The following POLD1 variants were observed in gnomAD, a reference collection of about 807,000 sequenced individuals.
POLD1 encodes the protein DNA polymerase delta 1, catalytic subunit, also known as DNA polymerase delta catalytic subunit.
POLD1 carries 79 observed loss-of-function variants against 129.7 expected under a neutral mutation model. That is an observed-to-expected ratio of 0.61 (90% CI 0.51 to 0.73). POLD1 has a LOEUF of 0.73. Among genes scored for constraint, POLD1 ranks in the 30% least tolerant of loss-of-function variants. The probability of loss-of-function intolerance (pLI) is 0.00; values close to 1 mark genes in which losing one functional copy is unlikely to be tolerated. For synonymous variants in POLD1, 714 were observed against 683.3 expected (o/e 1.04, Z -0.70); for missense variants, 1,338 against 1,595.8 (o/e 0.84, Z 2.75).
rs1232400236 is a variant in POLD1 at position 50,393,043 on chromosome 19, CG to C, written c.-1-5807del. Among the ~76,000 whole-genome samples the C allele has an allele frequency of 3.9e-5, 6 of 152,316 alleles. No individual in the cohort carries two copies. The East Asian group carries it at 1.2e-3, about 29-fold the overall frequency. On this transcript the variant is annotated intron_variant, in intron 1 of 26. Coordinates refer to ENST00000440232, the MANE Select transcript of POLD1 (RefSeq NM_002691.4). ...GTTTCCAGTCCTTGGGGATTTCAAACGATGCTTCCGGAAATAACCTTATAAA... is the reference window on the plus strand; with the variant it reads ...GTTTCCAGTCCTTGGGGATTTCAAACATGCTTCCGGAAATAACCTTATAAA...
intron 3 of POLD1, among the ~76,000 whole-genome samples, chr19:50,401,242 T>G (rs1455336304): frequency 6.8e-6 from 1 of 147,410 alleles, no homozygotes; most frequent in Non-Finnish European, 1.5e-5. Flanking sequence ...AAATATAAGA[T>G]ATATATATAT....
At chr19:50,404,665 A>G (rs10406370) in intron 10 of POLD1, among the ~76,000 whole-genome samples, 11,403 of 85,010 alleles carry the variant, frequency 0.13, 1,446 homozygotes, top group African/African-American at 0.35. Context: ...TGCAACCTCC[A>G]CCTCCCAGGT....
rs764832779 is a variant in POLD1, at chr19:50,402,733, G to T, written c.962G>T (p.Gly321Val). The change falls in exon 8 of 27, where the codon GGC becomes GTC. Residue 321 changes from glycine to valine, a missense_variant. Gly to Val is a moderately radical substitution (Grantham distance 109, BLOSUM62 -3). This residue lies in a region of POLD1 where 720 missense variants were observed against 1,002.6 expected (regional missense o/e 0.72). Coordinates refer to ENST00000440232, the MANE Select transcript of POLD1 (RefSeq NM_002691.4). ...CTCAGCTTCGATATCGAGTGCGCCG[G>T]CCGCAAAGGTCTGTCCCCGGGCCCG... ...RVLSFDIECA[G>V]RKGIFPEPER... 1 of 1,591,808 alleles carries T rather than the reference G, an allele frequency of 6.3e-7. No individual in the cohort carries two copies. Among genetic ancestry groups the T allele is most frequent in the East Asian group, 2.3e-5 (1 of 44,326 alleles).
intron 2 of POLD1, 91 bp from the exon 3 acceptor site, chr19:50,399,280 C>T (rs1207491727): frequency 3.3e-6 from 4 of 1,207,424 alleles, no homozygotes; most frequent in African/African-American, 1.5e-5. Flanking sequence ...CAGACCACCA[C>T]CTCTGCCTGG....
At chr19:50,415,624 A>G (rs1240093453) in intron 21 of POLD1, 34 bp downstream of exon 21, 1 of 1,601,698 alleles carries the variant, frequency 6.2e-7, no homozygotes, top group African/African-American at 1.3e-5. Flanking sequence ...GGCCAGAAAT[A>G]ACCCCCTCCT....
intron 1 of POLD1, among the ~76,000 whole-genome samples, chr19:50,397,984 G>A (rs527743364): frequency 1.3e-5 from 2 of 152,162 alleles, no homozygotes; most frequent in Non-Finnish European, 2.9e-5. Context: ...ATGTGGAGGG[G>A]TATGGGATCT....
rs1601238976 is a variant in POLD1 at position 50,413,838 on chromosome 19, T to A, written c.2347T>A (p.Ser783Thr). 1.2e-6 allele frequency: 2 copies of A among 1,611,366 alleles called. No homozygotes were observed. Among genetic ancestry groups the A allele is most frequent in the South Asian group, 2.2e-5 (2 of 90,880 alleles). ...GGGGCGGGAGGCCGCGGACTGGGTGTCAGGTCACTTCCCGTCGCCCATCCG... is the reference window on the plus strand; with the variant it reads ...GGGGCGGGAGGCCGCGGACTGGGTGACAGGTCACTTCCCGTCGCCCATCCG... The part of the protein sequence containing the change: ...ALGREAADWV[S>T]GHFPSPIRLE... Residue 783 changes from serine (S) to threonine (T), a missense_variant, in exon 19 of 27, where the codon TCA becomes ACA. Around this residue, in one of 3 missense-constraint regions of POLD1, gnomAD observed 720 missense variants for 1,002.6 expected, o/e 0.72. Transcript: ENST00000440232.
chr19:50,408,291 C>T (rs776126645), intron 14 of POLD1, among the ~76,000 whole-genome samples: 3 of 151,998 alleles, frequency 2.0e-5, no homozygotes, highest in Non-Finnish European at 4.4e-5. Flanking sequence ...GCTGAGATTG[C>T]GCCACTGCAC....
At chr19:50,410,714 G>A (rs1023763148) in intron 17 of POLD1, among the ~76,000 whole-genome samples, 1 of 152,078 alleles carries the variant, frequency 6.6e-6, no homozygotes, top group Non-Finnish European at 1.5e-5. Flanking sequence ...TTTGATGCGT[G>A]CCTGCACACA....
At chr19:50,392,143 T>TCA (rs1420372965) in intron 1 of POLD1, among the ~76,000 whole-genome samples, 2 of 152,212 alleles carry the variant, frequency 1.3e-5, no homozygotes, top group African/African-American at 4.8e-5. Flanking sequence ...CAGTCATGGC[T>TCA]CACTGCAGCC....
chr19:50,390,013 A>G (rs1007182604), intron 1 of POLD1, among the ~76,000 whole-genome samples: 5 of 151,010 alleles, frequency 3.3e-5, no homozygotes, highest in East Asian at 1.9e-4. Flanking sequence ...GGTTCAATCA[A>G]TTCTCCTGCC....
At position 50,414,853 on chromosome 19, in the gene POLD1, C is replaced by A. The variant is rs775317882; in HGVS notation, c.2427C>A (p.Tyr809Ter). The change falls in exon 20 of 27, where the codon TAC (tyrosine) becomes TAA (stop). Residue 809 changes from tyrosine to a stop codon, truncating the protein, a stop_gained. Transcript: ENST00000440232. LOFTEE classifies it high-confidence loss of function. Reference sequence around the variant, plus strand: ...ACCTGCTTATCAGCAAGAAGCGCTACGCGGGCCTGCTCTTCTCCTCCCGGC... The same window carrying A: ...ACCTGCTTATCAGCAAGAAGCGCTAAGCGGGCCTGCTCTTCTCCTCCCGGC... Reference protein sequence around the residue: ...FPYLLISKKRYAGLLFSSRPD... With the variant: ...FPYLLISKKR 6.3e-7 allele frequency: 1 copy of A among 1,598,628 alleles called. No homozygotes were observed. The highest frequency in any genetic ancestry group is 8.5e-7 in the Non-Finnish European group (1 of 1,170,268).
rs772840420 is a variant in POLD1, at chr19:50,406,204, G to C, written c.1265G>C (p.Gly422Ala). The C allele has an allele frequency of 6.2e-7, 1 of 1,613,824 alleles. No homozygotes were observed. Among genetic ancestry groups the C allele is most frequent in the Non-Finnish European group, 8.5e-7 (1 of 1,179,870 alleles). The part of the protein sequence containing the change: ...TLKVQTFPFL[G>A]RVAGLCSNIR... ...CAGGTACAAACATTCCCTTTCCTGG[G>C]CCGTGTGGCCGGCCTTTGCTCCAAC... Residue 422 changes from glycine (G) to alanine (A), a missense_variant, in exon 11 of 27, where the codon GGC (glycine) becomes GCC (alanine). Physicochemically the swap from Gly to Ala is moderately conservative, Grantham distance 60. Around this residue, in one of 3 missense-constraint regions of POLD1, gnomAD observed 720 missense variants for 1,002.6 expected, o/e 0.72. Coordinates refer to ENST00000440232, the MANE Select transcript of POLD1 (RefSeq NM_002691.4). This position sits in a 1 kb window ranked among gnomAD's most constrained non-coding sequence, Gnocchi z 5.5.
chr19:50,396,227 C>G (rs772756772), intron 1 of POLD1, among the ~76,000 whole-genome samples: 41 of 151,230 alleles, frequency 2.7e-4, no homozygotes, highest in Non-Finnish European at 4.1e-4. Context: ...GCCATAATTA[C>G]AGGTGTGTAC....
Position 50,416,685 on chromosome 19 carries a change from A to G in POLD1, c.3029A>G (p.Asn1010Ser), listed in dbSNP as rs2039309429. 6.4e-7 allele frequency: 1 copy of G among 1,551,476 alleles called. No homozygotes were observed. Among genetic ancestry groups the G allele is most frequent in the Non-Finnish European group, 8.7e-7 (1 of 1,153,098 alleles). The change falls in exon 24 of 27, where the codon AAC (asparagine) becomes AGC (serine). Residue 1010 changes from asparagine (N) to serine (S), a missense_variant. Around this residue, in one of 3 missense-constraint regions of POLD1, gnomAD observed 286 missense variants for 277.5 expected, o/e 1.03. Coordinates refer to ENST00000440232, the MANE Select transcript of POLD1 (RefSeq NM_002691.4). ...CTCCTGGCCTTCGCCAAACGCCGCA[A>G]CTGCTGCATTGGCTGCCGCACAGTG... ...GGLLAFAKRR[N>S]CCIGCRTVLS...
chr19:50,396,185 C>G (rs2038360684), intron 1 of POLD1, among the ~76,000 whole-genome samples: 1 of 150,416 alleles, frequency 6.6e-6, no homozygotes, highest in African/African-American at 2.4e-5. Flanking sequence ...CTCTCGGGTT[C>G]AAGTGATTCT....
Position 50,406,927 on chromosome 19 carries a change from G to T in POLD1, c.1495-56G>T. ...ACCCTGACCCCCACTTCCTTCTCCTGCTCCACCTCCCACCCCCAACCCCTG... is the reference window on the plus strand; with the variant it reads ...ACCCTGACCCCCACTTCCTTCTCCTTCTCCACCTCCCACCCCCAACCCCTG... On this transcript the variant is annotated intron_variant, in intron 12 of 26. Coordinates refer to ENST00000440232, the MANE Select transcript of POLD1 (RefSeq NM_002691.4). This position sits in a 1 kb window ranked among gnomAD's most constrained non-coding sequence, Gnocchi z 5.5. 2.2e-6 allele frequency: 3 copies of T among 1,363,804 alleles called. No individual in the cohort carries two copies. Among genetic ancestry groups the T allele is most frequent in the South Asian group, 1.3e-5 (1 of 74,122 alleles). The allele number at this position is 1,363,804 out of a possible 1,614,324, so 84.5% of individuals were successfully genotyped here.
chr19:50,401,254 A>G (rs1366628481), intron 3 of POLD1, among the ~76,000 whole-genome samples: 2 of 146,926 alleles, frequency 1.4e-5, no homozygotes, highest in African/African-American at 5.0e-5. Flanking sequence ...TATATATATG[A>G]TATATTCTTT....
chr19:50,416,861 AC>A lies in POLD1; in HGVS notation c.3067+144del, dbSNP rs537071312. 53 of 930,452 alleles carry A rather than the reference AC, an allele frequency of 5.7e-5. No individual in the cohort carries two copies. In the African/African-American group the frequency reaches 7.2e-4, roughly 13 times the overall value. The allele number at this position is 930,452 out of a possible 1,614,324, so 57.6% of individuals were successfully genotyped here. A position where few individuals can be genotyped will look rare whatever the true frequency, so the allele number is the denominator to read the frequency against. On this transcript the variant is annotated intron_variant, in intron 24 of 26. Transcript: ENST00000440232. ...CCCTGGGTGGGTGGCCCCTGTCTCC[AC>A]CCCCCACAGAGGGTCCTCGGCCCCC...
Sources: allele counts gnomAD v4.1 joint callset (sites outside exome capture counted in the v4.1 genomes callset), GRCh38; gene constraint gnomAD v4.1.1; regional missense constraint gnomAD v4.1.1; non-coding constraint Gnocchi (gnomAD v3.1); transcripts MANE v1.5; gene names NCBI Gene and HGNC (gene_info 2026-07-23, HGNC 2026-07-21).